SERPINE2: variants seen among roughly 807,000 people sequenced by gnomAD.
The protein encoded by SERPINE2 is serpin family E member 2, also known as glia-derived nexin.
SERPINE2 carries 14 observed loss-of-function variants against 36.3 expected under a neutral mutation model. That is an observed-to-expected ratio of 0.39 (90% CI 0.25 to 0.60). The LOEUF (loss-of-function observed/expected upper bound fraction) is 0.60, where lower values mean the gene tolerates loss of function less well. Ranked by LOEUF, SERPINE2 falls within the 20% of genes least tolerant of loss-of-function variation. SERPINE2 has a pLI of 0.57. For synonymous variants in SERPINE2, 192 were observed against 191.8 expected, an observed-to-expected ratio of 1.00 and a Z score of -0.01; for missense variants, 418 against 499.6, an observed-to-expected ratio of 0.84 and a Z score of 1.56.
chr2:224,018,471 C>T (rs1340219052), intron 1 of SERPINE2, among the ~76,000 whole-genome samples: 2 of 151,546 alleles, frequency 1.3e-5, no homozygotes, highest in African/African-American at 2.4e-5. Flanking sequence ...TCAAAGAGAT[C>T]GTTTAGAAAT....
At chr2:223,999,478 C>A (rs369914037) in intron 2 of SERPINE2, among the ~76,000 whole-genome samples, 5 of 152,050 alleles carry the variant, frequency 3.3e-5, no homozygotes, top group Admixed American at 3.3e-4. Flanking sequence ...GCCTTTTACA[C>A]GGGGGAGGGG....
chr2:224,006,518 T>C (rs1691430305), intron 1 of SERPINE2, among the ~76,000 whole-genome samples: 1 of 152,326 alleles, frequency 6.6e-6, no homozygotes. Flanking sequence ...TTTGAATTCC[T>C]ATAGCATTTC....
At chr2:224,029,491 T>C (rs151234775) in intron 1 of SERPINE2, among the ~76,000 whole-genome samples, 87 of 152,332 alleles carry the variant, frequency 5.7e-4, no homozygotes, top group Admixed American at 9.8e-4. Context: ...AATCAAATCA[T>C]AATTAAATGA....
intron 1 of SERPINE2, among the ~76,000 whole-genome samples, chr2:224,007,447 T>G (rs775671900): frequency 6.6e-6 from 1 of 152,318 alleles, no homozygotes. Context: ...GAAAAAACAA[T>G]TATTAACTCA....
At chr2:224,005,856 C>G (rs1308347720) in intron 1 of SERPINE2, among the ~76,000 whole-genome samples, 3 of 152,204 alleles carry the variant, frequency 2.0e-5, no homozygotes, top group Non-Finnish European at 2.9e-5. Flanking sequence ...TCTAGGCCAT[C>G]ATTGGAGGGA....
rs567818286 is a variant in SERPINE2, at chr2:223,991,327, C to T, written c.685+476G>A. ...GAGGAAGTCCTCGGACCACAGATCC[C>T]TGCCACGAACAGTGCCCAAGGGTCC... is the stretch of plus-strand genomic sequence containing the variant. On this transcript the variant is annotated intron_variant, in intron 4 of 8. Coordinates refer to ENST00000409304, the MANE Select transcript of SERPINE2 (RefSeq NM_001136528.2). Among the ~76,000 whole-genome samples, 8 of 152,322 alleles carry T rather than the reference C, an allele frequency of 5.3e-5. No individual in the cohort carries two copies. The South Asian group carries it at 6.2e-4, about 12-fold the overall frequency.
chr2:223,982,618 C>G, intron 6 of SERPINE2, 63 bp downstream of exon 6: 2 of 1,002,574 alleles, frequency 2.0e-6, no homozygotes, highest in East Asian at 5.0e-5. Context: ...TTTCTCTGCA[C>G]AAATCAGTCT....
intron 1 of SERPINE2, among the ~76,000 whole-genome samples, chr2:224,013,430 C>A (rs745672647): frequency 6.6e-6 from 1 of 152,190 alleles, no homozygotes; most frequent in African/African-American, 2.4e-5. Context: ...ATGCAGTGTT[C>A]ACTTGCACTT....
At chr2:224,018,718 A>G (rs892000297) in intron 1 of SERPINE2, among the ~76,000 whole-genome samples, 1 of 152,208 alleles carries the variant, frequency 6.6e-6, no homozygotes, top group Non-Finnish European at 1.5e-5. Flanking sequence ...CCCAGGTTCT[A>G]TATCTTTCTA....
chr2:223,989,168 G>A (rs1356537034), intron 4 of SERPINE2, among the ~76,000 whole-genome samples: 2 of 152,152 alleles, frequency 1.3e-5, no homozygotes, highest in Non-Finnish European at 1.5e-5. Flanking sequence ...TTTCTTAATA[G>A]AAAAGTTTCT....
chr2:224,030,238 T>C (rs377059295), intron 1 of SERPINE2: 45 of 985,152 alleles, frequency 4.6e-5, no homozygotes, highest in Middle Eastern at 1.0e-3. Flanking sequence ...CAGGTGATCA[T>C]TGGGGAGTAC....
At chr2:223,983,726 A>ATGTGTGTG (rs1559195411) in intron 5 of SERPINE2, among the ~76,000 whole-genome samples, 1 of 88,984 alleles carries the variant, frequency 1.1e-5, no homozygotes, top group African/African-American at 5.6e-5. Context: ...ACGTATATAT[A>ATGTGTGTG]TGTGTGTATA....
intron 1 of SERPINE2, among the ~76,000 whole-genome samples, chr2:224,024,577 T>G (rs1384756686): frequency 6.6e-6 from 1 of 152,230 alleles, no homozygotes; most frequent in African/African-American, 2.4e-5. Flanking sequence ...CTGCCTGCAA[T>G]GGGTAAGTCA....
chr2:223,998,035 G>C, intron 3 of SERPINE2, 80 bp downstream of exon 3: 1 of 1,171,446 alleles, frequency 8.5e-7, no homozygotes. Context: ...TGGACTTGCA[G>C]ACACCACTTT....
chr2:223,975,593 A>T lies in SERPINE2; in HGVS notation c.*274T>A, dbSNP rs1689975745. The T allele has an allele frequency of 3.1e-6, 1 of 320,620 alleles. No homozygotes were observed. Among genetic ancestry groups the T allele is most frequent in the African/African-American group, 2.1e-5 (1 of 46,904 alleles). 19.9% of individuals were successfully genotyped at this position (320,620 alleles called of 1,614,324 possible). ...ACAGCAAATACTCAACAGGGTTGTT[A>T]ACCTAGGTAACAGTTCAGTAGTTTA... On this transcript the variant is annotated 3_prime_UTR_variant, in exon 9 of 9. Transcript: ENST00000409304.
chr2:224,002,011 C>T (rs1361317446), intron 1 of SERPINE2, 89 bp from the exon 2 acceptor site: 4 of 1,233,002 alleles, frequency 3.2e-6, no homozygotes, highest in South Asian at 1.6e-5. Flanking sequence ...GAGACTCGTT[C>T]TTTCACCCAG....
Position 223,975,800 on chromosome 2 carries a change from T to A in SERPINE2, c.*67A>T. The stretch of plus-strand genomic sequence containing the variant: ...AAATATTTAACAGAACTATGAAAGA[T>A]GCAGGAAAGGAGTCTTTCTTCGTAG... On this transcript the variant is annotated 3_prime_UTR_variant, in exon 9 of 9. Coordinates refer to ENST00000409304, the MANE Select transcript of SERPINE2 (RefSeq NM_001136528.2). 1 of 1,279,816 alleles carries A rather than the reference T, an allele frequency of 7.8e-7. No homozygotes were observed. The highest frequency in any genetic ancestry group is 1.1e-6 in the Non-Finnish European group (1 of 910,656). The allele number at this position is 1,279,816 out of a possible 1,614,324, so 79.3% of individuals were successfully genotyped here. A position where few individuals can be genotyped will look rare whatever the true frequency, so the allele number is the denominator to read the frequency against.
chr2:223,977,607 A>C lies in SERPINE2; in HGVS notation c.1093T>G (p.Ser365Ala). 2 of 1,613,158 alleles carry C rather than the reference A, an allele frequency of 1.2e-6. No homozygotes were observed. Among genetic ancestry groups the C allele is most frequent in the African/African-American group, 1.3e-5 (1 of 75,052 alleles). Residue 365 changes from serine (S) to alanine (A), a missense_variant, in exon 8 of 9, where the codon TCA becomes GCA. Physicochemically the swap from Ser to Ala is moderately conservative, Grantham distance 99. Transcript: ENST00000409304. ...AATTAILIAR[S>A]SPPWFIVDRP... ...TCTACTATAAACCAGGGAGGCGATG[A>C]TCTTGCAATGAGAATTGCAGCTACG...
chr2:224,022,158 CAAAAA>C (rs71058977), intron 1 of SERPINE2, among the ~76,000 whole-genome samples: 4 of 72,584 alleles, frequency 5.5e-5, no homozygotes, highest in East Asian at 1.1e-3. Flanking sequence ...GACTCCTTCT[CAAAAA>C]AAAAAAAAAA....
Sources: allele counts gnomAD v4.1 joint callset (sites outside exome capture counted in the v4.1 genomes callset), GRCh38; gene constraint gnomAD v4.1.1; transcripts MANE v1.5; gene names NCBI Gene and HGNC (gene_info 2026-07-23, HGNC 2026-07-21).